SUN1: variants seen among roughly 807,000 people sequenced by gnomAD.
SUN1 encodes the protein Sad1 and UNC84 domain containing 1.
Under a neutral mutation model 103.2 loss-of-function variants are expected in SUN1, and 61 were observed. The observed-to-expected ratio is 0.59, with a 90% CI of 0.48 to 0.73. The LOEUF is 0.73. SUN1 is among the 30% of genes least tolerant of loss of function. The pLI, the probability that SUN1 is intolerant of heterozygous loss-of-function variation, is 0.00. For synonymous variants in SUN1, 490 were observed against 425.7 expected (o/e 1.15, Z -1.86); for missense variants, 1,052 against 1,034.6 (o/e 1.02, Z -0.23).
At chr7:833,268 C>T (rs1404517573) in intron 1 of SUN1, 1 of 150,774 alleles carries the variant, frequency 6.6e-6, no homozygotes, top group Non-Finnish European at 1.5e-5. Context: ...TTTAAGGCAC[C>T]AGGAAAATGC....
intron 1 of SUN1, among the ~76,000 whole-genome samples, chr7:827,110 C>T (rs539158238): frequency 1.1e-4 from 16 of 152,152 alleles, no homozygotes; most frequent in Non-Finnish European, 1.9e-4. Context: ...CAACCTCTGC[C>T]TCCCGGGTTC....
At chr7:847,833 C>T (rs1416205171) in intron 5 of SUN1, among the ~76,000 whole-genome samples, 5 of 135,546 alleles carry the variant, frequency 3.7e-5, no homozygotes, top group African/African-American at 5.6e-5. Context: ...GGGGTTACCC[C>T]GCAGCGCCGT....
chr7:865,267 C>T (rs1461562311), intron 15 of SUN1, among the ~76,000 whole-genome samples: 1 of 151,950 alleles, frequency 6.6e-6, no homozygotes, highest in Non-Finnish European at 1.5e-5. Context: ...GCCACCATGC[C>T]CGGCTAATTT....
intron 15 of SUN1, among the ~76,000 whole-genome samples, chr7:862,104 T>C (rs1832687814): frequency 6.6e-6 from 1 of 152,238 alleles, no homozygotes; most frequent in African/African-American, 2.4e-5. Flanking sequence ...AGAGGAGAGC[T>C]AGACCTGCTT....
In SUN1 at chr7:823,510, C is replaced by T. The variant is rs569728273; in HGVS notation, c.-74+6837C>T. Among the ~76,000 whole-genome samples the T allele has an allele frequency of 4.6e-5, 7 of 152,058 alleles. No individual in the cohort carries two copies. In the South Asian group the frequency reaches 1.0e-3, roughly 23 times the overall value. On this transcript the variant is annotated intron_variant, in intron 1 of 17. Coordinates refer to the SUN1 transcript ENST00000389574. ...TCATTGCAAGGAAAGAGTGGAGGAGCGGCATGTAAATGGGTGGGGAGGAGA... is the reference window on the plus strand; with the variant it reads ...TCATTGCAAGGAAAGAGTGGAGGAGTGGCATGTAAATGGGTGGGGAGGAGA...
intron 1 of SUN1, among the ~76,000 whole-genome samples, 178 bp from the exon 2 acceptor site, chr7:838,620 G>T (rs1454726756): frequency 1.3e-5 from 2 of 152,200 alleles, no homozygotes; most frequent in African/African-American, 4.8e-5. Flanking sequence ...GATGTCAGGA[G>T]CCCATGCTGG....
chr7:872,673 GA>G, intron 18 of SUN1, 111 bp downstream of exon 18: 1 of 823,090 alleles, frequency 1.2e-6, no homozygotes, highest in Non-Finnish European at 1.9e-6. Flanking sequence ...ACCATCCTTT[GA>G]AAAATGTTAA....
chr7:873,077 ACT>A lies in SUN1; in HGVS notation c.2242-135_2242-134del, dbSNP rs577225499. The A allele has an allele frequency of 9.6e-5, 78 of 810,626 alleles. No individual in the cohort carries two copies. The East Asian group carries it at 1.3e-3, about 14-fold the overall frequency. 50.2% of individuals were successfully genotyped at this position (810,626 alleles called of 1,614,324 possible). ...ACTCCAGCCTGGGTGACAGGGCAAG[ACT>A]CTGTCTCAACAACAACAACAAAAGG... On this transcript the variant is annotated intron_variant, in intron 18 of 18. Coordinates refer to ENST00000401592, the MANE Select transcript of SUN1 (RefSeq NM_001130965.3).
rs1783345686 is a variant in SUN1, at chr7:818,871, T to TGC, written c.-74+2198_-74+2199insGC. Among the ~76,000 whole-genome samples, 8 of 55,836 alleles carry TGC rather than the reference T, an allele frequency of 1.4e-4. No individual in the cohort carries two copies. In the South Asian group the frequency reaches 4.2e-3, roughly 29 times the overall value. The allele number at this position is 55,836 out of a possible 152,430, so 36.6% of individuals were successfully genotyped here. A position where few individuals can be genotyped will look rare whatever the true frequency, so the allele number is the denominator to read the frequency against. ...GTCCTTCCCCGCTCCCCTCCCCCCC[T>TGC]TTTTTTTTTTGAGACGGAGTTTCGC... On this transcript the variant is annotated intron_variant, in intron 1 of 17. Transcript: ENST00000389574.
At chr7:867,109 TGTC>T (rs1251342763) in intron 16 of SUN1, among the ~76,000 whole-genome samples, 1 of 152,230 alleles carries the variant, frequency 6.6e-6, no homozygotes, top group East Asian at 1.9e-4. Flanking sequence ...CACATGGGAC[TGTC>T]GTCATCATGA....
intron 15 of SUN1, 88 bp downstream of exon 15, chr7:861,552 C>T: frequency 7.7e-7 from 1 of 1,304,486 alleles, no homozygotes; most frequent in Non-Finnish European, 1.1e-6. Flanking sequence ...TACCCCACTT[C>T]CAGCAGTAAG....
chr7:849,247 C>T (rs1347907512), intron 5 of SUN1, among the ~76,000 whole-genome samples: 1 of 152,252 alleles, frequency 6.6e-6, no homozygotes, highest in South Asian at 2.1e-4. Flanking sequence ...AGCAACTGCG[C>T]CCAACCCAGA....
At chr7:838,289 A>AGGCT (rs1475677535) in intron 1 of SUN1, among the ~76,000 whole-genome samples, 1 of 152,260 alleles carries the variant, frequency 6.6e-6, no homozygotes, top group African/African-American at 2.4e-5. Context: ...TTTTGGTCAC[A>AGGCT]GGCTCAAAGC....
chr7:840,972 T>A (rs1261732841), intron 2 of SUN1, among the ~76,000 whole-genome samples: 5 of 149,732 alleles, frequency 3.3e-5, no homozygotes, highest in African/African-American at 1.2e-4. Flanking sequence ...TCGCTTTTGT[T>A]GCCCAGGCTG....
intron 15 of SUN1, among the ~76,000 whole-genome samples, chr7:862,118 G>T (rs1022082672): frequency 6.6e-6 from 1 of 152,244 alleles, no homozygotes; most frequent in Non-Finnish European, 1.5e-5. Context: ...CCTGCTTCAC[G>T]TCCGCTCAGG....
intron 15 of SUN1, among the ~76,000 whole-genome samples, chr7:864,469 G>T (rs564028710): frequency 1.1e-4 from 16 of 150,442 alleles, no homozygotes; most frequent in Admixed American, 5.3e-4. Context: ...CAGGAGAATC[G>T]CTTGAACCTG....
chr7:828,635 A>G (rs1795111563), upstream of SUN1, among the ~76,000 whole-genome samples: 1 of 152,212 alleles, frequency 6.6e-6, no homozygotes, highest in East Asian at 1.9e-4. Flanking sequence ...CAACCTTAAC[A>G]GAAGCCCTCT....
At chr7:846,846 C>G (rs143646118) in intron 5 of SUN1, among the ~76,000 whole-genome samples, 3 of 152,090 alleles carry the variant, frequency 2.0e-5, no homozygotes, top group Middle Eastern at 3.4e-3. Flanking sequence ...GACTTCTTCT[C>G]AACAAAAAAT....
chr7:844,103 A>T (rs1201197674), intron 5 of SUN1, among the ~76,000 whole-genome samples: 2 of 152,172 alleles, frequency 1.3e-5, no homozygotes, highest in Non-Finnish European at 2.9e-5. Context: ...ACTGGGCAAG[A>T]GTGTGGGTGT....
Sources: allele counts gnomAD v4.1 joint callset (sites outside exome capture counted in the v4.1 genomes callset), GRCh38; gene constraint gnomAD v4.1.1; transcripts MANE v1.5; gene names NCBI Gene and HGNC (gene_info 2026-07-23, HGNC 2026-07-21).